The following LRIG1 variants were observed in gnomAD, a reference collection of about 807,000 sequenced individuals.
LRIG1 encodes leucine-rich repeats and immunoglobulin-like domains protein 1.
In LRIG1, 48 loss-of-function variants were observed where a neutral mutation model predicts 99.2. The observed-to-expected ratio is 0.48, with a 90% CI of 0.38 to 0.62. The LOEUF (loss-of-function observed/expected upper bound fraction) is 0.62, where lower values mean the gene tolerates loss of function less well. Ranked by LOEUF, LRIG1 falls within the 20% of genes least tolerant of loss-of-function variation. The pLI, the probability that LRIG1 is intolerant of heterozygous loss-of-function variation, is 0.00. For missense variants in LRIG1, 1,646 were observed against 1,434.4 expected (o/e 1.15, Z -2.38); for synonymous variants, 772 against 596.1 (o/e 1.29, Z -4.30).
chr3:66,472,416 C>T (rs114799542), intron 1 of LRIG1, among the ~76,000 whole-genome samples: 2,020 of 151,334 alleles, frequency 0.013, 52 homozygotes, highest in South Asian at 0.078. Flanking sequence ...AACAGAATTG[C>T]GTAAACTTTG....
rs1389081552 is a variant in LRIG1 at position 66,421,756 on chromosome 3, C to G, written c.366-4490G>C. 2.0e-5 allele frequency among the ~76,000 whole-genome samples: 3 copies of G among 152,198 alleles called. No individual in the cohort carries two copies. In the East Asian group the frequency reaches 5.8e-4, roughly 29 times the overall value. ...TGTGGGGGATCCCACACTGCCCTAG[C>G]AGACATTCTTCATGAGGGCCACACC... is the stretch of plus-strand genomic sequence containing the variant. On this transcript the variant is annotated intron_variant, in intron 3 of 18. Transcript: ENST00000273261.
intron 1 of LRIG1, among the ~76,000 whole-genome samples, chr3:66,485,356 C>T (rs1327283362): frequency 6.6e-6 from 1 of 152,072 alleles, no homozygotes; most frequent in Non-Finnish European, 1.5e-5. Flanking sequence ...TCAGGCGGTG[C>T]ATAAACTCCA....
rs540246185 is a variant in LRIG1 at position 66,386,146 on chromosome 3, T to C, written c.1624A>G (p.Met542Val). ...GCGTGGACGTGGACAAAGTTCTCCA[T>C]GTCTGCATTGGTCAGGACTTCATTG... Reference protein sequence around the residue: ...KDNEVLTNADMENFVHVHAQD... With the variant: ...KDNEVLTNADVENFVHVHAQD... Residue 542 changes from methionine to valine, a missense_variant, in exon 13 of 19, where the codon ATG becomes GTG. Transcript: ENST00000273261. 6.2e-7 allele frequency: 1 copy of C among 1,614,038 alleles called. No individual in the cohort carries two copies. The highest frequency in any genetic ancestry group is 1.7e-5 in the Admixed American group (1 of 60,004).
chr3:66,384,213 G>A lies in LRIG1; in HGVS notation c.1849C>T (p.Arg617Cys), dbSNP rs374801329. Residue 617 changes from arginine (R) to cysteine (C), a missense_variant, in exon 14 of 19, where the codon CGC becomes TGC. Arg to Cys is a radical substitution (Grantham distance 180). Transcript: ENST00000273261. ...DITIRTTTMA[R>C]LECAATGHPN... is the part of the protein sequence containing the mutation. ...TGACCTGTGGCAGCACATTCGAGGCGGGCCATGGTGGTGGTCCGGATGGTT... is the reference window on the plus strand; with the variant it reads ...TGACCTGTGGCAGCACATTCGAGGCAGGCCATGGTGGTGGTCCGGATGGTT... 4.6e-5 allele frequency: 75 copies of A among 1,613,964 alleles called. No individual in the cohort carries two copies. Among genetic ancestry groups the A allele is most frequent in the Non-Finnish European group, 3.6e-5 (42 of 1,179,978 alleles).
intron 2 of LRIG1, among the ~76,000 whole-genome samples, chr3:66,458,477 C>A (rs543621217): frequency 2.0e-5 from 3 of 151,876 alleles, no homozygotes; most frequent in Non-Finnish European, 4.4e-5. Flanking sequence ...CCAAGGCAGG[C>A]AGATCACATG....
intron 1 of LRIG1, among the ~76,000 whole-genome samples, chr3:66,487,832 A>AT (rs1559824615): frequency 6.6e-6 from 1 of 151,878 alleles, no homozygotes; most frequent in Non-Finnish European, 1.5e-5. Context: ...TAAAGGGAGA[A>AT]TTTTTTTTGT....
chr3:66,406,219 T>G, intron 8 of LRIG1: 1 of 985,444 alleles, frequency 1.0e-6, no homozygotes, highest in Non-Finnish European at 1.2e-6. Context: ...ATAGTGGAGA[T>G]TCTGCTGCTG....
rs75997615 is a variant in LRIG1, at chr3:66,485,649, A to G, written c.218+14541T>C. On this transcript the variant is annotated intron_variant, in intron 1 of 18. Transcript: ENST00000273261. ...AGTTTACTTTTTTTGATCCCCAAGCATATAATATTCGCAGTTGCTCCAGAA... is the reference window on the plus strand; with the variant it reads ...AGTTTACTTTTTTTGATCCCCAAGCGTATAATATTCGCAGTTGCTCCAGAA... Among the ~76,000 whole-genome samples the G allele has an allele frequency of 7.7e-3, 1,174 of 152,356 alleles. 16 individuals are homozygous for G. Among genetic ancestry groups the G allele is most frequent in the African/African-American group, 0.026 (1,068 of 41,588 alleles).
intron 12 of LRIG1, chr3:66,388,164 AAG>A (rs1349640259): frequency 3.3e-5 from 5 of 151,664 alleles, no homozygotes; most frequent in African/African-American, 1.2e-4. Context: ...TATAGCAATA[AAG>A]AGAAATTATA....
At chr3:66,472,781 A>G (rs1431473328) in intron 1 of LRIG1, among the ~76,000 whole-genome samples, 1 of 152,168 alleles carries the variant, frequency 6.6e-6, no homozygotes, top group African/African-American at 2.4e-5. Flanking sequence ...ACACAGATTA[A>G]AACATCAAAA....
intron 6 of LRIG1, among the ~76,000 whole-genome samples, chr3:66,412,525 A>G (rs910720201): frequency 1.3e-5 from 2 of 152,190 alleles, no homozygotes; most frequent in Non-Finnish European, 2.9e-5. Context: ...AAATACCCTC[A>G]GGTTTGGCCC....
intron 3 of LRIG1, among the ~76,000 whole-genome samples, chr3:66,439,574 T>TA (rs1559800214): frequency 3.4e-4 from 49 of 145,984 alleles, no homozygotes; most frequent in East Asian, 1.8e-3. Flanking sequence ...TTTTTTTTTT[T>TA]TAAAAAGAGC....
intron 3 of LRIG1, among the ~76,000 whole-genome samples, chr3:66,442,939 G>T (rs1369446565): frequency 6.6e-6 from 1 of 152,014 alleles, no homozygotes; most frequent in Admixed American, 6.6e-5. Context: ...CCTCTCATCT[G>T]GCTGGCTCAC....
intron 8 of LRIG1, among the ~76,000 whole-genome samples, chr3:66,406,657 G>A (rs1559781891): frequency 6.6e-6 from 1 of 152,192 alleles, no homozygotes; most frequent in Non-Finnish European, 1.5e-5. Flanking sequence ...GCTGACAGCT[G>A]CTTGGAAGTT....
intron 3 of LRIG1, among the ~76,000 whole-genome samples, chr3:66,447,872 G>C (rs763954598): frequency 9.9e-5 from 15 of 152,156 alleles, no homozygotes; most frequent in Admixed American, 3.9e-4. Flanking sequence ...ATCGTAACTT[G>C]AGTGTCCTGG....
intron 1 of LRIG1, among the ~76,000 whole-genome samples, chr3:66,467,383 T>TG (rs1700498035): frequency 7.2e-6 from 1 of 139,328 alleles, no homozygotes; most frequent in African/African-American, 2.7e-5. Flanking sequence ...TTTTTTGAGA[T>TG]GGAGTCTCGC....
chr3:66,492,715 T>TG (rs147144751), intron 1 of LRIG1, among the ~76,000 whole-genome samples: 5,691 of 152,304 alleles, frequency 0.037, 181 homozygotes, highest in East Asian at 0.083. Context: ...AGAACCTGCA[T>TG]CCTGGTTCAT....
chr3:66,388,098 C>T (rs1406586630), intron 12 of LRIG1: 5 of 85,158 alleles, frequency 5.9e-5, no homozygotes, highest in African/African-American at 2.4e-4. Flanking sequence ...CAGAGCAAGA[C>T]TCTGTCTCAA....
intron 7 of LRIG1, among the ~76,000 whole-genome samples, chr3:66,408,811 A>T (rs1702364308): frequency 6.6e-6 from 1 of 152,136 alleles, no homozygotes; most frequent in African/African-American, 2.4e-5. Context: ...CTGAAACCAA[A>T]GGGTTAACAC....
Sources: allele counts gnomAD v4.1 joint callset (sites outside exome capture counted in the v4.1 genomes callset), GRCh38; gene constraint gnomAD v4.1.1; transcripts MANE v1.5; gene names NCBI Gene and HGNC (gene_info 2026-07-23, HGNC 2026-07-21).